The following CSMD1 variants were observed in gnomAD, a reference collection of about 807,000 sequenced individuals.
The protein encoded by CSMD1 is CUB and sushi domain-containing protein 1.
A neutral mutation model predicts 417.5 loss-of-function variants in CSMD1; 213 were observed. The ratio of observed to expected loss-of-function variants is 0.51; its 90% confidence interval spans 0.46 to 0.57. The LOEUF (loss-of-function observed/expected upper bound fraction) is 0.57, where lower values mean the gene tolerates loss of function less well. CSMD1 is among the 20% of genes least tolerant of loss of function. CSMD1 has a pLI of 0.00. For synonymous variants in CSMD1, 2,862 were observed against 1,736.8 expected (o/e 1.65, Z -16.11); for missense variants, 6,923 against 4,529.7 (o/e 1.53, Z -15.17).
At chr8:3,312,642 C>G (rs1432283692) in intron 23 of CSMD1, among the ~76,000 whole-genome samples, 6 of 152,250 alleles carry the variant, frequency 3.9e-5, no homozygotes, top group Middle Eastern at 3.4e-3. Context: ...CCATCAATAC[C>G]TTGAAGGACT....
At chr8:4,470,874 T>G (rs116736892) in intron 2 of CSMD1, among the ~76,000 whole-genome samples, 1 of 152,198 alleles carries the variant, frequency 6.6e-6, no homozygotes, top group African/African-American at 2.4e-5. Flanking sequence ...TAAAACTGAA[T>G]TATTTTTAAG....
At chr8:3,128,665 C>A in intron 41 of CSMD1, 2 of 325,212 alleles carry the variant, frequency 6.1e-6, no homozygotes, top group Non-Finnish European at 1.2e-5. Flanking sequence ...TTAAGTGTCA[C>A]CTCTGTCAGA....
chr8:3,220,544 C>T lies in CSMD1; in HGVS notation c.4485-1102G>A, dbSNP rs116770688. Among the ~76,000 whole-genome samples the T allele has an allele frequency of 2.0e-3, 311 of 152,270 alleles. 2 individuals carry two copies. The highest frequency in any genetic ancestry group is 7.1e-3 in the African/African-American group (293 of 41,552). ...GATAAAGTAGAAGTATTAAAACCAT[C>T]CATTGCAGCAGAGCACAGTGGCTCT... is the stretch of plus-strand genomic sequence containing the variant. On this transcript the variant is annotated intron_variant, in intron 28 of 69. Coordinates refer to ENST00000635120, the MANE Select transcript of CSMD1 (RefSeq NM_033225.6).
intron 7 of CSMD1, among the ~76,000 whole-genome samples, chr8:3,660,727 G>C (rs1032560421): frequency 7.1e-6 from 1 of 140,504 alleles, no homozygotes; most frequent in Non-Finnish European, 1.6e-5. Context: ...CACCATGTTG[G>C]TCAGGGTGAT....
intron 3 of CSMD1, among the ~76,000 whole-genome samples, chr8:4,187,187 T>C (rs1798730999): frequency 6.6e-6 from 1 of 152,106 alleles, no homozygotes; most frequent in Admixed American, 6.6e-5. Flanking sequence ...TTTAAAACAA[T>C]CTGGGACATT....
chr8:4,935,150 A>T (rs1458946480), intron 1 of CSMD1, among the ~76,000 whole-genome samples: 4 of 152,238 alleles, frequency 2.6e-5, no homozygotes, highest in Admixed American at 6.5e-5. Flanking sequence ...TATCAGTCAC[A>T]GGTGAGGATT....
intron 33 of CSMD1, among the ~76,000 whole-genome samples, chr8:3,192,791 G>A (rs1255092938): frequency 6.6e-6 from 1 of 152,176 alleles, no homozygotes; most frequent in Non-Finnish European, 1.5e-5. Flanking sequence ...TCATGTTGGT[G>A]CTCAAAACAA....
chr8:4,828,256 C>G (rs757641138), intron 1 of CSMD1, among the ~76,000 whole-genome samples: 19 of 152,244 alleles, frequency 1.2e-4, no homozygotes, highest in South Asian at 2.1e-4. Context: ...AAGATATGTT[C>G]CATGCACTTA....
In CSMD1 at chr8:4,700,512, G is replaced by A. The variant is rs1584962984; in HGVS notation, c.86-62954C>T. On this transcript the variant is annotated intron_variant, in intron 1 of 69. Transcript: ENST00000635120. ...ACTATAAAACTATGCATGTTACAAT[G>A]AAAAGGTGTCTAATAGAGAGACAAG... Among the ~76,000 whole-genome samples, 3 of 152,218 alleles carry A rather than the reference G, an allele frequency of 2.0e-5. No homozygotes were observed. The East Asian group carries it at 5.8e-4, about 29-fold the overall frequency.
At chr8:3,522,459 G>A (rs1052200096) in intron 10 of CSMD1, among the ~76,000 whole-genome samples, 3 of 152,168 alleles carry the variant, frequency 2.0e-5, no homozygotes, top group Non-Finnish European at 2.9e-5. Flanking sequence ...AGAGACAGCT[G>A]CATTTACTTT....
At chr8:3,268,131 G>A (rs1427457422) in intron 26 of CSMD1, among the ~76,000 whole-genome samples, 1 of 152,002 alleles carries the variant, frequency 6.6e-6, no homozygotes, top group Admixed American at 6.6e-5. Flanking sequence ...ATTTGTAGGT[G>A]AATGTATGAA....
chr8:4,663,458 G>C (rs770885342), intron 1 of CSMD1, among the ~76,000 whole-genome samples: 2 of 152,138 alleles, frequency 1.3e-5, no homozygotes, highest in Non-Finnish European at 2.9e-5. Flanking sequence ...CTGAATATTG[G>C]AGGAGGGGCC....
intron 1 of CSMD1, among the ~76,000 whole-genome samples, chr8:4,908,689 T>G (rs1462429291): frequency 6.6e-6 from 1 of 151,534 alleles, no homozygotes; most frequent in Admixed American, 6.6e-5. Flanking sequence ...AGTCTAGCAA[T>G]GAGTCCATCA....
chr8:3,554,419 G>C (rs543518490), intron 10 of CSMD1, among the ~76,000 whole-genome samples: 1 of 152,188 alleles, frequency 6.6e-6, no homozygotes. Flanking sequence ...CTGGGGGTCT[G>C]GGGAGAGCCT....
chr8:3,630,188 C>T (rs17066686), intron 7 of CSMD1, among the ~76,000 whole-genome samples: 6,329 of 152,278 alleles, frequency 0.042, 343 homozygotes, highest in East Asian at 0.29. Context: ...GCAGGCTCTC[C>T]GTCAGCTCCT....
intron 2 of CSMD1, among the ~76,000 whole-genome samples, chr8:4,477,205 C>T (rs533334306): frequency 1.3e-3 from 193 of 152,220 alleles, no homozygotes; most frequent in South Asian, 4.1e-3. Flanking sequence ...CTGAGCCCAG[C>T]CCAGGTGAGA....
At chr8:4,189,864 T>C (rs1798910675) in intron 3 of CSMD1, among the ~76,000 whole-genome samples, 1 of 152,164 alleles carries the variant, frequency 6.6e-6, no homozygotes, top group African/African-American at 2.4e-5. Flanking sequence ...TTTTTTGTGG[T>C]ACGTAATACA....
chr8:4,496,792 C>T (rs951777848), intron 2 of CSMD1, among the ~76,000 whole-genome samples: 1 of 152,168 alleles, frequency 6.6e-6, no homozygotes, highest in Non-Finnish European at 1.5e-5. Context: ...AGAGCTGAGA[C>T]ATCCTGAGAC....
intron 3 of CSMD1, among the ~76,000 whole-genome samples, chr8:4,360,466 T>G (rs1192000733): frequency 6.6e-6 from 1 of 152,268 alleles, no homozygotes; most frequent in South Asian, 2.1e-4. Flanking sequence ...TATCATAACC[T>G]CTTTTTTCTT....
Sources: allele counts gnomAD v4.1 joint callset (sites outside exome capture counted in the v4.1 genomes callset), GRCh38; gene constraint gnomAD v4.1.1; transcripts MANE v1.5; gene names NCBI Gene and HGNC (gene_info 2026-07-23, HGNC 2026-07-21).